APOB: variants seen among roughly 807,000 people sequenced by gnomAD.
APOB encodes the protein apolipoprotein B.
Under a neutral mutation model 314.1 loss-of-function variants are expected in APOB, and 153 were observed. That is an observed-to-expected ratio of 0.49 (90% confidence interval 0.43 to 0.56). APOB has a LOEUF of 0.56. Among genes scored for constraint, APOB ranks in the 20% least tolerant of loss-of-function variants. The probability of loss-of-function intolerance (pLI) is 0.00; values close to 1 mark genes in which losing one functional copy is unlikely to be tolerated. For synonymous variants in APOB, 2,087 were observed against 2,036.4 expected (o/e 1.02, Z -0.67); for missense variants, 5,430 against 5,350.7 (o/e 1.01, Z -0.46).
At chr2:21,037,391 A>C (rs926721770) in intron 5 of APOB, 136 bp from the exon 6 acceptor site, 2 of 1,002,822 alleles carry the variant, frequency 2.0e-6, no homozygotes, top group Non-Finnish European at 3.0e-6. Flanking sequence ...TTTTCTTCCT[A>C]TGCAGAGTGT....
Position 21,004,648 on chromosome 2 carries a change from C to T in APOB, c.11816G>A (p.Gly3939Asp), listed in dbSNP as rs142828185. ...NVLGTHKIED[G>D]TLASKTKGTF... Reference sequence around the variant, plus strand: ...TCCTTTAGTCTTAGAGGCTAACGTACCATCTTCGATTTTGTGTGTTCCCAA... The same window carrying T: ...TCCTTTAGTCTTAGAGGCTAACGTATCATCTTCGATTTTGTGTGTTCCCAA... Residue 3939 changes from glycine (G) to aspartate (D), a missense_variant, in exon 27 of 29, where the codon GGT becomes GAT. By Grantham distance (94) the Gly-to-Asp change is moderately conservative (BLOSUM62 -1). Around this residue, in one of 3 missense-constraint regions of APOB, gnomAD observed 3,281 missense variants for 3,171.0 expected, o/e 1.03. Transcript: ENST00000233242. 19 of 1,613,652 alleles carry T rather than the reference C, an allele frequency of 1.2e-5. No individual in the cohort carries two copies. In the African/African-American group the frequency reaches 2.1e-4, roughly 18 times the overall value.
At chr2:21,018,338 C>T (rs983740602) in intron 20 of APOB, among the ~76,000 whole-genome samples, 7 of 152,132 alleles carry the variant, frequency 4.6e-5, no homozygotes, top group African/African-American at 9.7e-5. Context: ...CAATGGCTTT[C>T]GTTTAATTCA....
At chr2:21,027,720 T>C in intron 14 of APOB, 108 bp downstream of exon 14, 1 of 848,072 alleles carries the variant, frequency 1.2e-6, no homozygotes, top group Non-Finnish European at 2.0e-6. Flanking sequence ...TGGTAGGAAG[T>C]GCCTGGTGGT....
rs1558560016 is a variant in APOB at position 21,004,416 on chromosome 2, G to A, written c.11940C>T (p.Ser3980=). 1.9e-6 allele frequency: 3 copies of A among 1,614,008 alleles called. No individual in the cohort carries two copies. Among genetic ancestry groups the A allele is most frequent in the Non-Finnish European group, 2.5e-6 (3 of 1,179,932 alleles). The change falls in exon 28 of 29, where the codon AGC becomes AGT. Residue 3980 remains serine, a synonymous_variant. Coordinates refer to ENST00000233242, the MANE Select transcript of APOB (RefSeq NM_000384.3). ...WEGKAHLNIK[S]PAFTDLHLRY... Reference sequence around the variant, plus strand: ...GCAGATGGAGATCGGTGAACGCTGGGCTTTTGATATTGAGGTGCGCTTTTC... The same window carrying A: ...GCAGATGGAGATCGGTGAACGCTGGACTTTTGATATTGAGGTGCGCTTTTC...
Position 21,029,685 on chromosome 2 carries a change from T to G in APOB, c.1571A>C (p.Gln524Pro). ...CCGCAGAGCCTGGATGGCAGCTTTC[T>G]GGATCATCAGTGATGGCTTTGTACT... ...VQSTKPSLMI[Q>P]KAAIQALRKM... The change falls in exon 12 of 29, where the codon CAG becomes CCG. Residue 524 changes from glutamine to proline, a missense_variant. Physicochemically the swap from Gln to Pro is moderately conservative, Grantham distance 76. This residue lies in a region of APOB where 2,085 missense variants were observed against 2,079.7 expected (regional missense o/e 1.00). Transcript: ENST00000233242. 9 of 1,614,246 alleles carry G rather than the reference T, an allele frequency of 5.6e-6. No individual in the cohort carries two copies. Among genetic ancestry groups the G allele is most frequent in the Non-Finnish European group, 7.6e-6 (9 of 1,180,038 alleles).
Position 21,008,005 on chromosome 2 carries a change from T to G in APOB, c.8863A>C (p.Thr2955Pro), listed in dbSNP as rs1482479131. 1 of 1,614,116 alleles carries G rather than the reference T, an allele frequency of 6.2e-7. No homozygotes were observed. Among genetic ancestry groups the G allele is most frequent in the East Asian group, 2.2e-5 (1 of 44,880 alleles). The stretch of plus-strand genomic sequence containing the variant: ...ATCTTATTGGACAGTCCAAAGGAAG[T>G]GAGGGGTCCTTCTATGGTGAAACTA... ...QISFTIEGPL[T>P]SFGLSNKINS... The change falls in exon 26 of 29, where the codon ACT becomes CCT. Residue 2955 changes from threonine to proline, a missense_variant. Transcript: ENST00000233242.
chr2:21,025,168 T>A (rs767109373), intron 15 of APOB, 44 bp from the exon 16 acceptor site: 1 of 1,586,170 alleles, frequency 6.3e-7, no homozygotes, highest in Admixed American at 1.7e-5. Flanking sequence ...GTCAGCAATG[T>A]CAAACACCTT....
At position 21,026,892 on chromosome 2, in the gene APOB, T is replaced by A; in HGVS notation, c.2140A>T (p.Ser714Cys). The change falls in exon 15 of 29, where the codon AGT (serine) becomes TGT (cysteine). Residue 714 changes from serine (S) to cysteine (C), a missense_variant. By Grantham distance (112) the Ser-to-Cys change is moderately radical (BLOSUM62 -1). This residue lies in a region of APOB where 2,085 missense variants were observed against 2,079.7 expected (regional missense o/e 1.00). Transcript: ENST00000233242. ...ACCCAGTACAAAGCTTTGTTGACAC[T>A]GTCTGGGAAAAATCCTTGCTTCCCA... Reference protein sequence around the residue: ...LFGKQGFFPDSVNKALYWVNG... With the variant: ...LFGKQGFFPDCVNKALYWVNG... 1 of 1,614,182 alleles carries A rather than the reference T, an allele frequency of 6.2e-7. No individual in the cohort carries two copies. The highest frequency in any genetic ancestry group is 8.5e-7 in the Non-Finnish European group (1 of 1,180,020).
Position 21,028,553 on chromosome 2 carries a change from G to A in APOB, c.1618-15C>T, listed in dbSNP as rs960702249. ...ACCTCCTGGTCCTGCAGTCAAAAGAGGAGATGGTTATCACTGTCCTGTGGT... is the reference window on the plus strand; with the variant it reads ...ACCTCCTGGTCCTGCAGTCAAAAGAAGAGATGGTTATCACTGTCCTGTGGT... On this transcript the variant is annotated splice_polypyrimidine_tract_variant and intron_variant, in intron 12 of 28. Coordinates refer to ENST00000233242, the MANE Select transcript of APOB (RefSeq NM_000384.3). 3.2e-6 allele frequency: 5 copies of A among 1,581,452 alleles called. No individual in the cohort carries two copies. Among genetic ancestry groups the A allele is most frequent in the Admixed American group, 1.7e-5 (1 of 59,968 alleles).
At position 21,043,526 on chromosome 2, in the gene APOB, G is replaced by A. The variant is rs746086204; in HGVS notation, c.108C>T (p.Ser36=). 77 of 1,605,088 alleles carry A rather than the reference G, an allele frequency of 4.8e-5. No homozygotes were observed. The highest frequency in any genetic ancestry group is 5.9e-5 in the Non-Finnish European group (69 of 1,176,006). The change falls in exon 2 of 29, where the codon AGC becomes AGT. Residue 36 remains serine, a synonymous_variant. Coordinates refer to ENST00000233242, the MANE Select transcript of APOB (RefSeq NM_000384.3). ...RAEEEMLENV[S]LVCPKDATRF... ...CAGATGCCTTACTTGGACAGACCAG[G>A]CTGACATTTTCCAGCATTTCCTCTT...
In APOB at chr2:21,032,701, C is replaced by CTATCT; in HGVS notation, c.1125-121_1125-120insAGATA. 9 of 824,452 alleles carry CTATCT rather than the reference C, an allele frequency of 1.1e-5. No individual in the cohort carries two copies. In the South Asian group the frequency reaches 1.3e-4, roughly 12 times the overall value. 51.1% of individuals were successfully genotyped at this position (824,452 alleles called of 1,614,324 possible). On this transcript the variant is annotated intron_variant, in intron 9 of 28. Transcript: ENST00000233242. ...CACCTCATTCACTATTCAAATCTAA[C>CTATCT]TTCAAAACCCAACTTGGAGCTCAGA...
intron 20 of APOB, among the ~76,000 whole-genome samples, 167 bp from the exon 21 acceptor site, chr2:21,016,816 C>T (rs1477975987): frequency 1.3e-5 from 2 of 151,876 alleles, no homozygotes; most frequent in Non-Finnish European, 2.9e-5. Flanking sequence ...AACCCCGTCT[C>T]TACTAAAAAT....
In APOB at chr2:21,006,603, T is replaced by C. The variant is rs747264737; in HGVS notation, c.10265A>G (p.Glu3422Gly). 4.3e-6 allele frequency: 7 copies of C among 1,613,954 alleles called. No individual in the cohort carries two copies. The East Asian group carries it at 1.6e-4, about 36-fold the overall frequency. ...TTTTGTGGTTGTTGCCACTGACACT[T>C]CCATATTTTTCGTGGTTAAGCTCAC... ...STVSLTTKNMEVSVATTTKAQ... is the reference protein window; with the variant it reads ...STVSLTTKNMGVSVATTTKAQ... The change falls in exon 26 of 29, where the codon GAA becomes GGA. Residue 3422 changes from glutamate to glycine, a missense_variant. This residue lies in a region of APOB where 3,281 missense variants were observed against 3,171.0 expected (regional missense o/e 1.03). Transcript: ENST00000233242.
chr2:21,026,960 C>G lies in APOB; in HGVS notation c.2072G>C (p.Gly691Ala). The change falls in exon 15 of 29, where the codon GGC becomes GCC. Residue 691 changes from glycine to alanine, a missense_variant. Transcript: ENST00000233242. Reference sequence around the variant, plus strand: ...TGGCTCAAAGCCTTTTCCTTCCAAGCCAATCTGAGAAAGAAAATCAGACAA... The same window carrying G: ...TGGCTCAAAGCCTTTTCCTTCCAAGGCAATCTGAGAAAGAAAATCAGACAA... ...GFASADLIEIGLEGKGFEPTL... is the reference protein window; with the variant it reads ...GFASADLIEIALEGKGFEPTL... The G allele has an allele frequency of 6.2e-7, 1 of 1,614,140 alleles. No homozygotes were observed. Among genetic ancestry groups the G allele is most frequent in the Non-Finnish European group, 8.5e-7 (1 of 1,180,028 alleles).
chr2:21,013,080 C>T (rs1663372191), intron 25 of APOB, 80 bp downstream of exon 25: 2 of 1,583,490 alleles, frequency 1.3e-6, no homozygotes, highest in Non-Finnish European at 1.7e-6. Flanking sequence ...AGCCAAAGTC[C>T]TTTCCTCCCT....
chr2:21,030,149 T>C, intron 10 of APOB, 134 bp from the exon 11 acceptor site: 1 of 673,616 alleles, frequency 1.5e-6, no homozygotes, highest in Non-Finnish European at 2.6e-6. Context: ...GCTGAAGCAA[T>C]TTTAAGCAAA....
intron 8 of APOB, 84 bp from the exon 9 acceptor site, chr2:21,033,602 G>A: frequency 8.6e-7 from 1 of 1,160,728 alleles, no homozygotes; most frequent in Non-Finnish European, 1.3e-6. Flanking sequence ...AAATTGTGGA[G>A]TATCAGCACA....
At position 21,037,169 on chromosome 2, in the gene APOB, GTC is replaced by G; in HGVS notation, c.622_623del (p.Asp208ProfsTer5). On this transcript the variant is annotated frameshift_variant, in exon 6 of 29. Transcript: ENST00000233242. LOFTEE classifies it high-confidence loss of function. ...NVATEISTER[D>X]LGQCDRFKPI... ...GCTTGAAGCGATCACACTGCCCCAG[GTC>G]TCTTTCAGTGGATATTTCTGTTGCC... 1 of 1,614,190 alleles carries G rather than the reference GTC, an allele frequency of 6.2e-7. No individual in the cohort carries two copies. Among genetic ancestry groups the G allele is most frequent in the Non-Finnish European group, 8.5e-7 (1 of 1,180,028 alleles).
chr2:21,001,881 A>G lies in APOB; in HGVS notation c.13541T>C (p.Ile4514Thr). ...DQLSDYYEKF[I>T]AESKRLIDLS... is the part of the protein sequence containing the mutation. ...GTCAATCAATCTTTTGGATTCAGCAATAAATTTTTCATAGTAATCAGAGAG... is the reference window on the plus strand; with the variant it reads ...GTCAATCAATCTTTTGGATTCAGCAGTAAATTTTTCATAGTAATCAGAGAG... The change falls in exon 29 of 29, where the codon ATT becomes ACT. Residue 4514 changes from isoleucine (I) to threonine (T), a missense_variant. Coordinates refer to ENST00000233242, the MANE Select transcript of APOB (RefSeq NM_000384.3). The G allele has an allele frequency of 6.2e-7, 1 of 1,614,078 alleles. No homozygotes were observed. The highest frequency in any genetic ancestry group is 1.7e-5 in the Admixed American group (1 of 60,024).
Sources: gnomAD v4.1 joint callset for allele counts (sites outside exome capture counted in the v4.1 genomes callset) on GRCh38, gnomAD v4.1.1 for gene constraint, gnomAD v4.1.1 regional missense constraint, MANE v1.5 for transcripts, NCBI Gene and HGNC (gene_info 2026-07-23, HGNC 2026-07-21) for gene names.